ASIC2: variants seen among roughly 807,000 people sequenced by gnomAD.
The protein encoded by ASIC2 is acid sensing ion channel subunit 2, also known as acid-sensing ion channel 2.
ASIC2 carries 25 observed loss-of-function variants against 57.3 expected under a neutral mutation model. The observed-to-expected ratio is 0.44, with a 90% confidence interval of 0.32 to 0.61. The LOEUF (loss-of-function observed/expected upper bound fraction) is 0.61, where lower values mean the gene tolerates loss of function less well. Ranked by LOEUF, ASIC2 falls within the 20% of genes least tolerant of loss-of-function variation. ASIC2 has a pLI of 0.06. For synonymous variants in ASIC2, 319 were observed against 307.5 expected, an observed-to-expected ratio of 1.04 and a Z score of -0.39; for missense variants, 641 against 738.1, an observed-to-expected ratio of 0.87 and a Z score of 1.52.
chr17:33,596,481 T>C (rs1904981892), intron 1 of ASIC2, among the ~76,000 whole-genome samples: 1 of 152,178 alleles, frequency 6.6e-6, no homozygotes. Flanking sequence ...AGAATAAAGT[T>C]ATTTGCTCTC....
chr17:33,041,980 A>G (rs1338564368), intron 3 of ASIC2, among the ~76,000 whole-genome samples: 1 of 152,064 alleles, frequency 6.6e-6, no homozygotes, highest in Non-Finnish European at 1.5e-5. Context: ...GCCTCCCACT[A>G]TAAGTGCAAA....
chr17:33,458,055 AGTC>A lies in ASIC2; in HGVS notation c.556-345991_556-345989del, dbSNP rs374457077. 2.7e-3 allele frequency among the ~76,000 whole-genome samples: 413 copies of A among 152,174 alleles called. 4 individuals carry two copies. The highest frequency in any genetic ancestry group is 9.2e-3 in the African/African-American group (381 of 41,508). On this transcript the variant is annotated intron_variant, in intron 1 of 9. Transcript: ENST00000359872. ...TGATTCTGACAGGGGTGATTGCTGA[AGTC>A]GTCATAGCTGAGGCGTCTTTGGGGC...
intron 1 of ASIC2, among the ~76,000 whole-genome samples, chr17:34,099,653 A>G (rs60446466): frequency 6.8e-6 from 1 of 146,202 alleles, no homozygotes; most frequent in East Asian, 2.0e-4. Flanking sequence ...AAAAGAGAGG[A>G]AGGAAGGAAG....
intron 1 of ASIC2, among the ~76,000 whole-genome samples, chr17:33,579,086 A>C (rs1239104173): frequency 6.6e-6 from 1 of 150,706 alleles, no homozygotes; most frequent in African/African-American, 2.5e-5. Context: ...AGGGATTCAG[A>C]CCAGTCTGGC....
chr17:33,928,776 C>T (rs935098260), intron 1 of ASIC2, among the ~76,000 whole-genome samples: 5 of 152,110 alleles, frequency 3.3e-5, no homozygotes, highest in African/African-American at 9.7e-5. Context: ...AGCAGATCCA[C>T]AGATGGAGGA....
At position 33,820,078 on chromosome 17, in the gene ASIC2, T is replaced by C. The variant is rs575373335; in HGVS notation, c.555+335900A>G. Reference sequence around the variant, plus strand: ...CCCAGCTGCCCAATATGGCAACTACTGTCCACATGTAGCTGTTGGGAGCTC... The same window carrying C: ...CCCAGCTGCCCAATATGGCAACTACCGTCCACATGTAGCTGTTGGGAGCTC... On this transcript the variant is annotated intron_variant, in intron 1 of 9. Coordinates refer to the ASIC2 transcript ENST00000359872. Among the ~76,000 whole-genome samples, 9 of 152,336 alleles carry C rather than the reference T, an allele frequency of 5.9e-5. No individual in the cohort carries two copies. The East Asian group carries it at 1.2e-3, about 20-fold the overall frequency.
chr17:33,082,440 T>C (rs1313847048), intron 3 of ASIC2, among the ~76,000 whole-genome samples: 1 of 152,212 alleles, frequency 6.6e-6, no homozygotes, highest in Non-Finnish European at 1.5e-5. Flanking sequence ...GGCTTACACC[T>C]ATAATCCTAG....
intron 1 of ASIC2, among the ~76,000 whole-genome samples, chr17:34,138,563 T>A (rs1317806233): frequency 3.3e-5 from 5 of 152,208 alleles, no homozygotes; most frequent in Non-Finnish European, 5.9e-5. Context: ...CTGAGCTGCC[T>A]TATGCCACAT....
At chr17:33,598,913 C>T (rs1459086027) in intron 1 of ASIC2, among the ~76,000 whole-genome samples, 3 of 152,208 alleles carry the variant, frequency 2.0e-5, no homozygotes, top group African/African-American at 7.2e-5. Flanking sequence ...GAGTCTGAGA[C>T]TGCCTATAGG....
At chr17:34,031,005 AAGAGAGTAGTGGTTCTCCCAGCACAC>A (rs934332928) in intron 1 of ASIC2, among the ~76,000 whole-genome samples, 2 of 152,208 alleles carry the variant, frequency 1.3e-5, no homozygotes, top group Non-Finnish European at 2.9e-5. Flanking sequence ...GACAGCTTTG[AAGAGAGTAGTGGTTCTCCCAGCACAC>A]AGCTGGAGAT....
At chr17:33,805,801 C>T (rs1390705045) in intron 1 of ASIC2, among the ~76,000 whole-genome samples, 1 of 152,168 alleles carries the variant, frequency 6.6e-6, no homozygotes, top group Non-Finnish European at 1.5e-5. Flanking sequence ...GGCTTCCATG[C>T]TTATTTGCCC....
At chr17:33,698,096 T>TTTTCAGAGGGA (rs1188754019) in intron 1 of ASIC2, among the ~76,000 whole-genome samples, 11 of 152,344 alleles carry the variant, frequency 7.2e-5, no homozygotes, top group Non-Finnish European at 1.3e-4. Context: ...TAATTCTTTG[T>TTTTCAGAGGGA]TTTCAGAGGG....
intron 1 of ASIC2, among the ~76,000 whole-genome samples, chr17:33,525,557 A>G (rs140839890): frequency 1.1e-4 from 17 of 152,288 alleles, no homozygotes; most frequent in African/African-American, 4.1e-4. Flanking sequence ...GTTCTGGCTT[A>G]TCCTTGTTAT....
At chr17:33,154,148 A>C (rs929243656) in intron 1 of ASIC2, among the ~76,000 whole-genome samples, 1 of 152,140 alleles carries the variant, frequency 6.6e-6, no homozygotes, top group Non-Finnish European at 1.5e-5. Flanking sequence ...AGCAAACCCA[A>C]CCTCAGACAA....
chr17:33,712,669 G>A (rs1909082943), intron 1 of ASIC2, among the ~76,000 whole-genome samples: 1 of 116,960 alleles, frequency 8.5e-6, no homozygotes, highest in Non-Finnish European at 1.6e-5. Context: ...TTTTTGAGAC[G>A]GAGTCTTGCT....
chr17:33,809,156 G>A (rs2142152224), intron 1 of ASIC2, among the ~76,000 whole-genome samples: 1 of 152,280 alleles, frequency 6.6e-6, no homozygotes, highest in African/African-American at 2.4e-5. Context: ...CCACATCGCA[G>A]CCTCAGTGGC....
At chr17:33,110,592 AG>A (rs2092253645) in intron 2 of ASIC2, among the ~76,000 whole-genome samples, 2 of 151,888 alleles carry the variant, frequency 1.3e-5, no homozygotes, top group Non-Finnish European at 2.9e-5. Flanking sequence ...CTGTGATGGG[AG>A]GTAAATGGCC....
rs182444936 is a variant in ASIC2 at position 33,913,789 on chromosome 17, T to A, written c.555+242189A>T. Reference sequence around the variant, plus strand: ...TCAGATACCCAATAAATGGTAACCATCACTGTCATGTTGTAATTGTTGACG... The same window carrying A: ...TCAGATACCCAATAAATGGTAACCAACACTGTCATGTTGTAATTGTTGACG... On this transcript the variant is annotated intron_variant, in intron 1 of 9. Transcript: ENST00000359872. 9.8e-4 allele frequency among the ~76,000 whole-genome samples: 150 copies of A among 152,332 alleles called. 2 individuals are homozygous for A. The highest frequency in any genetic ancestry group is 3.5e-3 in the African/African-American group (147 of 41,570).
At chr17:33,584,822 G>A (rs1217224405) in intron 1 of ASIC2, among the ~76,000 whole-genome samples, 1 of 152,062 alleles carries the variant, frequency 6.6e-6, no homozygotes, top group Non-Finnish European at 1.5e-5. Flanking sequence ...AGCCGGAGAG[G>A]GGACACTAAC....
Sources: gnomAD v4.1 joint callset for allele counts (sites outside exome capture counted in the v4.1 genomes callset) on GRCh38, gnomAD v4.1.1 for gene constraint, MANE v1.5 for transcripts, NCBI Gene and HGNC (gene_info 2026-07-23, HGNC 2026-07-21) for gene names.